The following CACNA2D4 variants were observed in gnomAD, a reference collection of about 807,000 sequenced individuals.
CACNA2D4 encodes the protein calcium voltage-gated channel auxiliary subunit alpha2delta 4.
CACNA2D4 carries 157 observed loss-of-function variants against 163.8 expected under a neutral mutation model. That is an observed-to-expected ratio of 0.96 (90% confidence interval 0.84 to 1.09). The LOEUF (loss-of-function observed/expected upper bound fraction) is 1.09. Ranked by LOEUF, CACNA2D4 falls within the 50% of genes least tolerant of loss-of-function variation. CACNA2D4 has a pLI of 0.00. For synonymous variants in CACNA2D4, 598 were observed against 586.9 expected (o/e 1.02, Z -0.27); for missense variants, 1,410 against 1,479.9 (o/e 0.95, Z 0.78).
At chr12:1,797,995 C>T (rs1863188072) in intron 34 of CACNA2D4, among the ~76,000 whole-genome samples, 1 of 152,164 alleles carries the variant, frequency 6.6e-6, no homozygotes, top group Non-Finnish European at 1.5e-5. Context: ...CCCTGCTCTC[C>T]CGCACAGCCA....
At chr12:1,887,219 G>A in intron 6 of CACNA2D4, 150 bp from the exon 7 acceptor site, 1 of 607,398 alleles carries the variant, frequency 1.6e-6, no homozygotes, top group Non-Finnish European at 3.0e-6. Context: ...GACATGCCCT[G>A]TAGACTGAGA....
At chr12:1,839,768 G>C (rs143941121) in intron 26 of CACNA2D4, among the ~76,000 whole-genome samples, 32 of 152,264 alleles carry the variant, frequency 2.1e-4, no homozygotes, top group Admixed American at 1.8e-3. Context: ...CAAGGCAATA[G>C]GAGACGGAGC....
chr12:1,914,983 A>G, intron 1 of CACNA2D4, 48 bp from the exon 2 acceptor site: 1 of 1,373,948 alleles, frequency 7.3e-7, no homozygotes, highest in Non-Finnish European at 1.0e-6. Flanking sequence ...TACACGCACA[A>G]ATACAGAAAC....
In CACNA2D4 at chr12:1,792,393, A is replaced by C. The variant is rs1472972092; in HGVS notation, c.*1262T>G. The C allele has an allele frequency of 1.3e-5, 2 of 152,392 alleles. No individual in the cohort carries two copies. Among genetic ancestry groups the C allele is most frequent in the East Asian group, 3.9e-4 (2 of 5,190 alleles). 9.4% of individuals were successfully genotyped at this position (152,392 alleles called of 1,614,324 possible). ...CAAGTTAGGGCTATTTGCTGGTAGG[A>C]AACTTGAACAGCTTTGAACTTGAAC... On this transcript the variant is annotated 3_prime_UTR_variant, in exon 38 of 38. Coordinates refer to ENST00000382722, the MANE Select transcript of CACNA2D4 (RefSeq NM_172364.5).
chr12:1,811,500 G>A (rs1025396852), intron 27 of CACNA2D4, among the ~76,000 whole-genome samples, 162 bp downstream of exon 27: 5 of 152,162 alleles, frequency 3.3e-5, no homozygotes, highest in East Asian at 1.9e-4. Flanking sequence ...GCTGAGGCCC[G>A]GCCTGCAGGC....
intron 26 of CACNA2D4, chr12:1,836,031 C>T (rs998161657): frequency 1.3e-5 from 2 of 152,242 alleles, no homozygotes; most frequent in Non-Finnish European, 2.9e-5. Context: ...CAGACAGAGC[C>T]CAGGAGCAGG....
At chr12:1,858,919 G>A (rs544596935) in intron 19 of CACNA2D4, among the ~76,000 whole-genome samples, 1 of 152,178 alleles carries the variant, frequency 6.6e-6, no homozygotes, top group Admixed American at 6.5e-5. Context: ...TTTCATCAAG[G>A]GACACCCTGA....
intron 3 of CACNA2D4, among the ~76,000 whole-genome samples, chr12:1,912,229 T>G (rs4765864): frequency 6.6e-6 from 1 of 152,108 alleles, no homozygotes; most frequent in African/African-American, 2.4e-5. Flanking sequence ...TTCTCCTGGC[T>G]GGTCTTACGA....
chr12:1,797,063 G>A (rs1328542609), intron 35 of CACNA2D4, among the ~76,000 whole-genome samples: 2 of 152,228 alleles, frequency 1.3e-5, no homozygotes, highest in East Asian at 3.9e-4. Flanking sequence ...GCCTGAGCAG[G>A]GCTGGGGGAG....
At chr12:1,913,367 G>A in intron 2 of CACNA2D4, among the ~76,000 whole-genome samples, 1 of 152,204 alleles carries the variant, frequency 6.6e-6, no homozygotes, top group East Asian at 1.9e-4. Context: ...TAGACGCATT[G>A]CAGTTATAGC....
At position 1,884,755 on chromosome 12, in the gene CACNA2D4, G is replaced by T. The variant is rs529890510; in HGVS notation, c.1272+13C>A. The T allele has an allele frequency of 1.6e-5, 26 of 1,582,722 alleles. No individual in the cohort carries two copies. The highest frequency in any genetic ancestry group is 2.1e-5 in the Non-Finnish European group (24 of 1,152,796). The stretch of plus-strand genomic sequence containing the variant: ...GAAGCTTTTTTCTCCCTGGACACCC[G>T]TGGGAGGGTCACCTTACAGTCTGGC... On this transcript the variant is annotated intron_variant, in intron 11 of 37. Coordinates refer to ENST00000382722, the MANE Select transcript of CACNA2D4 (RefSeq NM_172364.5).
intron 26 of CACNA2D4, 79 bp from the exon 27 acceptor site, chr12:1,811,802 G>C (rs1592662792): frequency 7.1e-7 from 1 of 1,410,224 alleles, no homozygotes; most frequent in East Asian, 2.5e-5. Context: ...AAAGAGAGGA[G>C]GTGCTTCCGC....
chr12:1,872,271 T>C (rs2154449154), intron 18 of CACNA2D4, among the ~76,000 whole-genome samples: 1 of 152,278 alleles, frequency 6.6e-6, no homozygotes, highest in African/African-American at 2.4e-5. Context: ...GCCTGTCTGC[T>C]TCTCTTACTC....
chr12:1,918,541 C>A lies in CACNA2D4; in HGVS notation c.-68G>T. 1 of 1,255,480 alleles carries A rather than the reference C, an allele frequency of 8.0e-7. No homozygotes were observed. Among genetic ancestry groups the A allele is most frequent in the Non-Finnish European group, 1.1e-6 (1 of 895,394 alleles). The allele number at this position is 1,255,480 out of a possible 1,614,324, so 77.8% of individuals were successfully genotyped here. ...CCTTTGTCTTCCGTGCCTTGGCGAG[C>A]CTGGGGTCTCCAGCCTCTCAGTCCT... is the stretch of plus-strand genomic sequence containing the variant. On this transcript the variant is annotated 5_prime_UTR_variant, in exon 1 of 38. Transcript: ENST00000382722.
In CACNA2D4 at chr12:1,849,227, A is replaced by G. The variant is rs140679044; in HGVS notation, c.2247-2538T>C. On this transcript the variant is annotated intron_variant, in intron 23 of 37. Transcript: ENST00000382722. ...TATCCTTTTAATTTCTTTAAGAGAA[A>G]TACATCATGAGTTCAAATTGATATT... 2.9e-4 allele frequency among the ~76,000 whole-genome samples: 44 copies of G among 152,344 alleles called. No homozygotes were observed. In the East Asian group the frequency reaches 7.9e-3, roughly 27 times the overall value.
At chr12:1,841,004 C>T (rs539872775) in intron 25 of CACNA2D4, among the ~76,000 whole-genome samples, 185 bp from the exon 26 acceptor site, 2 of 152,374 alleles carry the variant, frequency 1.3e-5, no homozygotes, top group South Asian at 2.1e-4. Context: ...GACCCCAACA[C>T]GGGTCTTGGA....
intron 6 of CACNA2D4, among the ~76,000 whole-genome samples, chr12:1,899,805 C>A (rs771606378): frequency 1.3e-5 from 2 of 151,892 alleles, no homozygotes; most frequent in African/African-American, 4.8e-5. Context: ...GAAAACCTAA[C>A]AAGGATAGTA....
intron 24 of CACNA2D4, among the ~76,000 whole-genome samples, chr12:1,846,318 T>C (rs550002345): frequency 2.0e-5 from 3 of 152,308 alleles, no homozygotes; most frequent in African/African-American, 4.8e-5. Flanking sequence ...CATCCTGTTC[T>C]AGGGACCCAC....
At position 1,878,475 on chromosome 12, in the gene CACNA2D4, C is replaced by T. The variant is rs1193271338; in HGVS notation, c.1645-86G>A. The stretch of plus-strand genomic sequence containing the variant: ...GGGCAGGGGTTTGGGGGCCACAGGA[C>T]GGTCAAAGATGGCAGCTCACAGCAG... On this transcript the variant is annotated intron_variant, in intron 15 of 37. Transcript: ENST00000382722. The surrounding 1 kb of genome is among the most constrained non-coding windows in gnomAD (Gnocchi z 4.6). The T allele has an allele frequency of 7.1e-6, 11 of 1,550,090 alleles. No homozygotes were observed. Among genetic ancestry groups the T allele is most frequent in the African/African-American group, 2.7e-5 (2 of 73,164 alleles).
Sources: allele counts gnomAD v4.1 joint callset (sites outside exome capture counted in the v4.1 genomes callset), GRCh38; gene constraint gnomAD v4.1.1; non-coding constraint Gnocchi (gnomAD v3.1); transcripts MANE v1.5; gene names NCBI Gene and HGNC (gene_info 2026-07-23, HGNC 2026-07-21).